SLC24A2: variants seen among roughly 807,000 people sequenced by gnomAD.
The protein encoded by SLC24A2 is sodium/potassium/calcium exchanger 2.
In SLC24A2, 36 loss-of-function variants were observed where a neutral mutation model predicts 62.0. The observed-to-expected ratio is 0.58, with a 90% CI of 0.44 to 0.77. The LOEUF (loss-of-function observed/expected upper bound fraction) is 0.77, where lower values mean the gene tolerates loss of function less well. SLC24A2 is among the 30% of genes least tolerant of loss of function. SLC24A2 has a pLI of 0.00. For missense variants in SLC24A2, 846 were observed against 817.9 expected (o/e 1.03, Z -0.42); for synonymous variants, 358 against 294.0 (o/e 1.22, Z -2.23).
the SLC24A2 span, among the ~76,000 whole-genome samples, chr9:20,285,864 G>A: frequency 6.6e-6 from 1 of 152,146 alleles, no homozygotes; most frequent in African/African-American, 2.4e-5. Flanking sequence ...TCCATTTGAG[G>A]ACACAGCAAG....
the SLC24A2 span, among the ~76,000 whole-genome samples, chr9:19,879,797 AG>A: frequency 2.6e-5 from 4 of 152,172 alleles, no homozygotes; most frequent in African/African-American, 4.8e-5. Context: ...GTTTGCTTAG[AG>A]GATATAAGTA....
chr9:19,930,378 G>A, the SLC24A2 span, among the ~76,000 whole-genome samples: 7 of 152,252 alleles, frequency 4.6e-5, no homozygotes, highest in East Asian at 1.2e-3. Context: ...TAGTAACATG[G>A]TGTACAGATC....
chr9:19,881,863 A>G, the SLC24A2 span, among the ~76,000 whole-genome samples: 10 of 152,274 alleles, frequency 6.6e-5, no homozygotes, highest in African/African-American at 1.9e-4. Flanking sequence ...GGTTTCATGG[A>G]CTCAGGAGTA....
chr9:20,270,990 T>A, the SLC24A2 span, among the ~76,000 whole-genome samples: 1 of 152,152 alleles, frequency 6.6e-6, no homozygotes, highest in African/African-American at 2.4e-5. Flanking sequence ...ACCATTTTCT[T>A]CTCTGTTCCC....
At chr9:20,054,640 T>A in the SLC24A2 span, among the ~76,000 whole-genome samples, 1 of 152,176 alleles carries the variant, frequency 6.6e-6, no homozygotes, top group Non-Finnish European at 1.5e-5. Flanking sequence ...TGCCTTTGCA[T>A]TCTCATAGCT....
the SLC24A2 span, among the ~76,000 whole-genome samples, chr9:20,051,151 C>A: frequency 1.3e-5 from 2 of 151,860 alleles, no homozygotes; most frequent in African/African-American, 4.8e-5. Flanking sequence ...ACAATGAAAA[C>A]AGGGTATCAT....
At chr9:20,114,086 T>C in the SLC24A2 span, among the ~76,000 whole-genome samples, 3 of 152,118 alleles carry the variant, frequency 2.0e-5, no homozygotes, top group African/African-American at 7.2e-5. Context: ...TTGGGAGTTC[T>C]GAGAGGCTGA....
chr9:19,647,757 A>C (rs1158129064), intron 2 of SLC24A2, among the ~76,000 whole-genome samples: 1 of 152,250 alleles, frequency 6.6e-6, no homozygotes, highest in Non-Finnish European at 1.5e-5. Context: ...CCTTAAGTGA[A>C]CATAGGTTCT....
the SLC24A2 span, among the ~76,000 whole-genome samples, chr9:20,031,035 A>G: frequency 1.3e-5 from 2 of 152,070 alleles, no homozygotes; most frequent in South Asian, 4.1e-4. Context: ...GACATCATGT[A>G]TGCTGTGATA....
At chr9:20,185,005 A>G in the SLC24A2 span, among the ~76,000 whole-genome samples, 3 of 152,166 alleles carry the variant, frequency 2.0e-5, no homozygotes, top group Admixed American at 6.5e-5. Context: ...GGAAAAACAA[A>G]TACTCCATGA....
At chr9:19,836,828 A>G in the SLC24A2 span, among the ~76,000 whole-genome samples, 2 of 152,248 alleles carry the variant, frequency 1.3e-5, no homozygotes, top group African/African-American at 4.8e-5. Flanking sequence ...AAAAATCCTC[A>G]ATAAAATACT....
At chr9:20,193,275 T>A in the SLC24A2 span, among the ~76,000 whole-genome samples, 1 of 152,316 alleles carries the variant, frequency 6.6e-6, no homozygotes, top group East Asian at 1.9e-4. Context: ...CATTAAGGCA[T>A]ATAAATCATG....
chr9:19,570,163 G>A (rs183728542), intron 7 of SLC24A2, among the ~76,000 whole-genome samples: 12 of 152,320 alleles, frequency 7.9e-5, no homozygotes, highest in Admixed American at 2.0e-4. Flanking sequence ...GATAAACAAT[G>A]GAAGAAATTT....
chr9:19,554,917 A>G (rs1206588670), intron 7 of SLC24A2, among the ~76,000 whole-genome samples: 3 of 152,196 alleles, frequency 2.0e-5, no homozygotes, highest in African/African-American at 7.2e-5. Flanking sequence ...AGGCACCCAC[A>G]TGCTGTGACT....
At chr9:19,943,610 C>T in the SLC24A2 span, among the ~76,000 whole-genome samples, 3,056 of 152,238 alleles carry the variant, frequency 0.02, 94 homozygotes, top group African/African-American at 0.07. Flanking sequence ...GCATTTGTGT[C>T]TCTTCTCTAA....
chr9:19,835,352 A>G, the SLC24A2 span, among the ~76,000 whole-genome samples: 1 of 152,214 alleles, frequency 6.6e-6, no homozygotes, highest in Non-Finnish European at 1.5e-5. Context: ...AGAGACACAC[A>G]TAGGCTCAAA....
At chr9:20,191,291 T>C in the SLC24A2 span, among the ~76,000 whole-genome samples, 1 of 152,194 alleles carries the variant, frequency 6.6e-6, no homozygotes, top group Non-Finnish European at 1.5e-5. Flanking sequence ...GTTTATATAC[T>C]TACTGTTTCT....
the SLC24A2 span, among the ~76,000 whole-genome samples, chr9:20,013,940 G>C: frequency 2.0e-5 from 3 of 152,194 alleles, no homozygotes; most frequent in African/African-American, 7.2e-5. Flanking sequence ...TGGGCACAGT[G>C]GTTCATGCCT....
chr9:19,660,796 C>T (rs2118237000), intron 2 of SLC24A2, among the ~76,000 whole-genome samples: 1 of 152,310 alleles, frequency 6.6e-6, no homozygotes, highest in South Asian at 2.1e-4. Flanking sequence ...AAACCTTGGA[C>T]ACTGGGCAAA....
Sources: allele counts gnomAD v4.1 joint callset (sites outside exome capture counted in the v4.1 genomes callset), GRCh38; gene constraint gnomAD v4.1.1; transcripts MANE v1.5; gene names NCBI Gene and HGNC (gene_info 2026-07-23, HGNC 2026-07-21).